The following KLHL18 variants were observed in gnomAD, a reference collection of about 807,000 sequenced individuals.
The protein encoded by KLHL18 is kelch-like protein 18.
A neutral mutation model predicts 58.5 loss-of-function variants in KLHL18; 38 were observed. The ratio of observed to expected loss-of-function variants is 0.65; its 90% CI spans 0.50 to 0.85. The LOEUF (loss-of-function observed/expected upper bound fraction) is 0.85. KLHL18 is among the 40% of genes least tolerant of loss of function. The probability of loss-of-function intolerance (pLI) is 0.00; values close to 1 mark genes in which losing one functional copy is unlikely to be tolerated. For missense variants in KLHL18, 624 were observed against 778.4 expected (o/e 0.80, Z 2.36); for synonymous variants, 303 against 301.9 (o/e 1.00, Z -0.04).
At chr3:47,301,528 G>A (rs531600707) in intron 1 of KLHL18, among the ~76,000 whole-genome samples, 1 of 152,180 alleles carries the variant, frequency 6.6e-6, no homozygotes, top group Admixed American at 6.5e-5. Context: ...TAAGCAGCTA[G>A]CCATTCTTGT....
rs747268928 is a variant in KLHL18, at chr3:47,336,594, C to T, written c.958C>T (p.Arg320Cys). ...CATTGCCAATTGCTGGGAGAGATGC[C>T]GTCCCATGACAACAGCCCGCAGCCG... ...DPIANCWERC[R>C]PMTTARSRVG... The change falls in exon 7 of 10, where the codon CGT (arginine) becomes TGT (cysteine). Residue 320 changes from arginine to cysteine, a missense_variant. Transcript: ENST00000232766. The T allele has an allele frequency of 8.5e-5, 138 of 1,614,208 alleles. No individual in the cohort carries two copies. Among genetic ancestry groups the T allele is most frequent in the Non-Finnish European group, 1.1e-4 (127 of 1,180,032 alleles).
In KLHL18 at chr3:47,334,194, G is replaced by A. The variant is rs1470524048; in HGVS notation, c.762-489G>A. On this transcript the variant is annotated intron_variant, in intron 5 of 9. Transcript: ENST00000232766. The surrounding 1 kb of genome is among the most constrained non-coding windows in gnomAD (Gnocchi z 4.7). ...GAGTTTGGACTTTATTCTGTCGGCAGTGGGTGGCTATTGAAGGTTCTTAGC... is the reference window on the plus strand; with the variant it reads ...GAGTTTGGACTTTATTCTGTCGGCAATGGGTGGCTATTGAAGGTTCTTAGC... 6.6e-6 allele frequency among the ~76,000 whole-genome samples: 1 copy of A among 152,166 alleles called. No individual in the cohort carries two copies. The highest frequency in any genetic ancestry group is 2.4e-5 in the African/African-American group (1 of 41,432).
intron 2 of KLHL18, 118 bp from the exon 3 acceptor site, chr3:47,322,450 A>T: frequency 3.2e-6 from 3 of 929,632 alleles, no homozygotes; most frequent in Non-Finnish European, 4.5e-6. Context: ...TAGTTACTCC[A>T]TTAGATAGAT....
At chr3:47,313,307 T>G (rs1055274005) in intron 1 of KLHL18, among the ~76,000 whole-genome samples, 1 of 151,054 alleles carries the variant, frequency 6.6e-6, no homozygotes, top group African/African-American at 2.4e-5. Context: ...AACCCCCAAC[T>G]CTCAGGCTCA....
chr3:47,330,086 G>A lies in KLHL18; in HGVS notation c.537G>A (p.Leu179=), dbSNP rs1235505274. The change falls in exon 4 of 10, where the codon CTG becomes CTA. Residue 179 remains leucine, a synonymous_variant. Coordinates refer to ENST00000232766, the MANE Select transcript of KLHL18 (RefSeq NM_025010.5). ...CCATGTCAGAAGAGTTCCTGGCCCT[G>A]CCCTTGGAAGACGTGCTTGAGCTGG... is the stretch of plus-strand genomic sequence containing the variant. The part of the protein sequence containing the change: ...EVSMSEEFLA[L]PLEDVLELVS... 1 of 1,614,024 alleles carries A rather than the reference G, an allele frequency of 6.2e-7. No homozygotes were observed. Among genetic ancestry groups the A allele is most frequent in the African/African-American group, 1.3e-5 (1 of 74,922 alleles).
chr3:47,332,603 G>C (rs191519150), intron 4 of KLHL18, among the ~76,000 whole-genome samples: 1 of 150,490 alleles, frequency 6.6e-6, no homozygotes, highest in South Asian at 2.1e-4. Flanking sequence ...GACGGGGGGC[G>C]GGGGGGCAGC....
intron 7 of KLHL18, chr3:47,336,974 G>T: frequency 1.8e-6 from 1 of 562,436 alleles, no homozygotes. Flanking sequence ...GGGGAGACCA[G>T]GCATGGACAT....
At chr3:47,311,771 ATCT>A (rs892122991) in intron 1 of KLHL18, among the ~76,000 whole-genome samples, 15 of 152,208 alleles carry the variant, frequency 9.9e-5, no homozygotes, top group Non-Finnish European at 2.2e-4. Flanking sequence ...GGTAGACCTA[ATCT>A]TCTTCCCCCT....
chr3:47,328,242 T>C (rs968682166), intron 3 of KLHL18, among the ~76,000 whole-genome samples: 8 of 150,002 alleles, frequency 5.3e-5, no homozygotes, highest in Non-Finnish European at 1.2e-4. Flanking sequence ...TAGCTAGGTG[T>C]GTGGTTTCAG....
chr3:47,319,808 C>T (rs913779420), intron 2 of KLHL18, 25 bp downstream of exon 2: 6 of 1,610,288 alleles, frequency 3.7e-6, no homozygotes, highest in South Asian at 2.2e-5. Flanking sequence ...CATTAGGTTT[C>T]GCAGGCTGCT....
At chr3:47,288,276 C>G (rs1243097033) in intron 1 of KLHL18, among the ~76,000 whole-genome samples, 1 of 150,864 alleles carries the variant, frequency 6.6e-6, no homozygotes, top group Non-Finnish European at 1.5e-5. Flanking sequence ...AATTCATTAG[C>G]CTGCTCTTTA....
At position 47,344,002 on chromosome 3, in the gene KLHL18, G is replaced by A; in HGVS notation, c.*61G>A. The A allele has an allele frequency of 6.3e-7, 1 of 1,577,864 alleles. No individual in the cohort carries two copies. The highest frequency in any genetic ancestry group is 8.6e-7 in the Non-Finnish European group (1 of 1,169,406). ...TACAGACATAGGCGCTTCCTTCCAGGAACAGTCCCTCAGGAGAGGCAGTGG... is the reference window on the plus strand; with the variant it reads ...TACAGACATAGGCGCTTCCTTCCAGAAACAGTCCCTCAGGAGAGGCAGTGG... On this transcript the variant is annotated 3_prime_UTR_variant, in exon 10 of 10. Transcript: ENST00000232766.
intron 1 of KLHL18, among the ~76,000 whole-genome samples, chr3:47,296,151 T>C (rs1702892424): frequency 6.6e-6 from 1 of 152,186 alleles, no homozygotes; most frequent in African/African-American, 2.4e-5. Flanking sequence ...GCTTCTTACA[T>C]CCTGTGCACA....
At chr3:47,309,460 G>A (rs1022826221) in intron 1 of KLHL18, among the ~76,000 whole-genome samples, 13 of 151,778 alleles carry the variant, frequency 8.6e-5, no homozygotes, top group Admixed American at 7.9e-4. Context: ...CAGACGGGGC[G>A]GCAGGGCAGA....
intron 2 of KLHL18, among the ~76,000 whole-genome samples, chr3:47,322,221 A>C (rs551178385): frequency 1.3e-5 from 2 of 152,240 alleles, no homozygotes; most frequent in Non-Finnish European, 2.9e-5. Context: ...ATAAACATGA[A>C]GACAGTGTAC....
intron 7 of KLHL18, 36 bp downstream of exon 7, chr3:47,336,793 A>G (rs779338603): frequency 2.6e-6 from 4 of 1,521,674 alleles, no homozygotes; most frequent in South Asian, 1.1e-5. Context: ...GAACATACAC[A>G]CTGAGCACCT....
Position 47,330,089 on chromosome 3 carries a change from C to T in KLHL18, c.540C>T (p.Pro180=). 2.5e-6 allele frequency: 4 copies of T among 1,614,088 alleles called. No homozygotes were observed. Among genetic ancestry groups the T allele is most frequent in the Non-Finnish European group, 3.4e-6 (4 of 1,180,028 alleles). The part of the protein sequence containing the change: ...VSMSEEFLAL[P]LEDVLELVSR... Reference sequence around the variant, plus strand: ...TGTCAGAAGAGTTCCTGGCCCTGCCCTTGGAAGACGTGCTTGAGCTGGTGT... The same window carrying T: ...TGTCAGAAGAGTTCCTGGCCCTGCCTTTGGAAGACGTGCTTGAGCTGGTGT... The change falls in exon 4 of 10, where the codon CCC becomes CCT. Residue 180 remains proline, a synonymous_variant. Transcript: ENST00000232766.
chr3:47,326,722 C>T (rs1025657722), intron 3 of KLHL18, among the ~76,000 whole-genome samples: 2 of 151,990 alleles, frequency 1.3e-5, no homozygotes, highest in Admixed American at 6.6e-5. Context: ...AGTTCGAGAC[C>T]AGCCTGGCCA....
intron 3 of KLHL18, among the ~76,000 whole-genome samples, chr3:47,327,808 G>T (rs1264664612): frequency 6.6e-6 from 1 of 152,214 alleles, no homozygotes; most frequent in Non-Finnish European, 1.5e-5. Context: ...CATTCATTCA[G>T]TCCTTGATGG....
Sources: allele counts gnomAD v4.1 joint callset (sites outside exome capture counted in the v4.1 genomes callset), GRCh38; gene constraint gnomAD v4.1.1; non-coding constraint Gnocchi (gnomAD v3.1); transcripts MANE v1.5; gene names NCBI Gene and HGNC (gene_info 2026-07-23, HGNC 2026-07-21).